Variants in STX8 observed in about 807,000 individuals in gnomAD.
STX8 encodes the protein syntaxin-8.
In STX8, 23 loss-of-function variants were observed where a neutral mutation model predicts 37.5. The observed-to-expected ratio is 0.61, with a 90% confidence interval of 0.44 to 0.87. The LOEUF (loss-of-function observed/expected upper bound fraction) is 0.87, where lower values mean the gene tolerates loss of function less well. STX8 is among the 40% of genes least tolerant of loss of function. The pLI is 0.00. For synonymous variants in STX8, 115 were observed against 99.1 expected (o/e 1.16, Z -0.95); for missense variants, 313 against 284.7 (o/e 1.10, Z -0.71).
Position 9,378,600 on chromosome 17 carries a change from T to TGCGAAGTTTTTCATC in STX8, c.580_594dup (p.Asp194_Arg198dup). On this transcript the variant is annotated inframe_insertion, in exon 7 of 8. Transcript: ENST00000306357. ...ACCATGTTTACCCGCCTGGTTTCAT[T>TGCGAAGTTTTTCATC]GCGAAGTTTTTCATCTGTGTTCTCC... The TGCGAAGTTTTTCATC allele has an allele frequency of 6.2e-7, 1 of 1,613,908 alleles. No individual in the cohort carries two copies. Among genetic ancestry groups the TGCGAAGTTTTTCATC allele is most frequent in the Non-Finnish European group, 8.5e-7 (1 of 1,179,838 alleles).
chr17:9,388,032 C>A lies in STX8; in HGVS notation c.542-9379G>T, dbSNP rs180953145. On this transcript the variant is annotated intron_variant, in intron 6 of 7. Transcript: ENST00000306357. The stretch of plus-strand genomic sequence containing the variant: ...GAAGTTTTTCATTTTGGTTGGTAAA[C>A]CTCTCCTCTTTATTAGTTGTTGTTT... Among the ~76,000 whole-genome samples the A allele has an allele frequency of 4.6e-5, 7 of 151,658 alleles. No individual in the cohort carries two copies. The East Asian group carries it at 9.7e-4, about 21-fold the overall frequency.
intron 1 of STX8, among the ~76,000 whole-genome samples, chr17:9,571,757 A>T (rs1216149147): frequency 1.3e-5 from 2 of 151,976 alleles, no homozygotes; most frequent in African/African-American, 4.8e-5. Flanking sequence ...TCTACTAAAA[A>T]TACAAAAATT....
chr17:9,497,282 A>G (rs939521095), intron 5 of STX8, among the ~76,000 whole-genome samples: 2 of 152,240 alleles, frequency 1.3e-5, no homozygotes, highest in African/African-American at 2.4e-5. Flanking sequence ...AAAACATCAC[A>G]GCACAATCAG....
At chr17:9,569,098 C>A (rs1014962649) in intron 1 of STX8, among the ~76,000 whole-genome samples, 1 of 152,218 alleles carries the variant, frequency 6.6e-6, no homozygotes, top group African/African-American at 2.4e-5. Context: ...CCAAGGCCGT[C>A]TGGCCCCAGA....
At chr17:9,378,750 G>A (rs1911689622) in intron 6 of STX8, 97 bp from the exon 7 acceptor site, 4 of 899,982 alleles carry the variant, frequency 4.4e-6, no homozygotes, top group Non-Finnish European at 3.7e-6. Context: ...TAATGATCTC[G>A]AGTGCAGTAA....
chr17:9,552,050 T>C (rs772230899), intron 3 of STX8, among the ~76,000 whole-genome samples: 4 of 152,150 alleles, frequency 2.6e-5, no homozygotes, highest in Non-Finnish European at 5.9e-5. Flanking sequence ...ATGTAACAGT[T>C]CTGTATAAAT....
At chr17:9,564,102 G>A (rs1597746850) in intron 2 of STX8, among the ~76,000 whole-genome samples, 1 of 152,058 alleles carries the variant, frequency 6.6e-6, no homozygotes, top group Non-Finnish European at 1.5e-5. Flanking sequence ...AAAATAATAA[G>A]AGCCATCTAT....
At chr17:9,257,330 G>C (rs191426301) in intron 7 of STX8, among the ~76,000 whole-genome samples, 1 of 152,140 alleles carries the variant, frequency 6.6e-6, no homozygotes, top group African/African-American at 2.4e-5. Flanking sequence ...CTGAAGACTC[G>C]TCATCTGGAG....
chr17:9,378,457 C>G, intron 7 of STX8, 95 bp downstream of exon 7: 1 of 1,134,750 alleles, frequency 8.8e-7, no homozygotes, highest in East Asian at 2.4e-5. Flanking sequence ...GAAGAGCAAC[C>G]AAATCCCCAC....
chr17:9,481,970 AG>A (rs1324967764), intron 6 of STX8, among the ~76,000 whole-genome samples: 1 of 152,140 alleles, frequency 6.6e-6, no homozygotes, highest in East Asian at 1.9e-4. Context: ...GGTGCCAAAA[AG>A]GTTGGGGACC....
At chr17:9,290,078 C>A (rs539623802) in intron 7 of STX8, among the ~76,000 whole-genome samples, 18 of 152,204 alleles carry the variant, frequency 1.2e-4, no homozygotes, top group African/African-American at 4.3e-4. Context: ...GCAAGCAAAT[C>A]GAGTCATGTC....
chr17:9,252,470 G>C (rs1697229785), intron 7 of STX8, among the ~76,000 whole-genome samples: 1 of 151,446 alleles, frequency 6.6e-6, no homozygotes, highest in African/African-American at 2.4e-5. Context: ...TTAGCCAGGT[G>C]TGGTGGTGGG....
At chr17:9,488,111 G>A (rs1462797043) in intron 6 of STX8, among the ~76,000 whole-genome samples, 3 of 152,078 alleles carry the variant, frequency 2.0e-5, no homozygotes, top group Non-Finnish European at 4.4e-5. Context: ...TAGATCACCT[G>A]AGGTCAGGAG....
At chr17:9,278,730 A>T (rs978757281) in intron 7 of STX8, among the ~76,000 whole-genome samples, 2 of 151,926 alleles carry the variant, frequency 1.3e-5, no homozygotes, top group Non-Finnish European at 2.9e-5. Flanking sequence ...ACAGGTTGAG[A>T]GCCCAAAGAA....
intron 6 of STX8, among the ~76,000 whole-genome samples, chr17:9,395,071 G>A (rs1402315331): frequency 1.4e-4 from 18 of 131,480 alleles, no homozygotes; most frequent in South Asian, 4.6e-4. Context: ...GCAAGACCCC[G>A]TCTCAAAAAA....
chr17:9,371,336 G>C (rs1187241668), intron 7 of STX8, among the ~76,000 whole-genome samples: 1 of 152,198 alleles, frequency 6.6e-6, no homozygotes, highest in Non-Finnish European at 1.5e-5. Context: ...CTTAAACAGT[G>C]ATAGAATTGC....
intron 4 of STX8, among the ~76,000 whole-genome samples, chr17:9,505,999 GTTT>G (rs1016716030): frequency 6.6e-6 from 1 of 151,032 alleles, no homozygotes; most frequent in African/African-American, 2.4e-5. Context: ...CACATGCAGG[GTTT>G]CAATACCAAT....
chr17:9,294,216 T>G (rs1908429308), intron 7 of STX8, among the ~76,000 whole-genome samples: 1 of 152,148 alleles, frequency 6.6e-6, no homozygotes, highest in South Asian at 2.1e-4. Context: ...CAAAGAACTC[T>G]TAGTGAGAGA....
intron 3 of STX8, among the ~76,000 whole-genome samples, chr17:9,546,756 C>T (rs1019085375): frequency 6.6e-6 from 1 of 151,098 alleles, no homozygotes. Context: ...TGCCACCACG[C>T]GCAGCTAATT....
Sources: allele counts gnomAD v4.1 joint callset (sites outside exome capture counted in the v4.1 genomes callset), GRCh38; gene constraint gnomAD v4.1.1; transcripts MANE v1.5; gene names NCBI Gene and HGNC (gene_info 2026-07-23, HGNC 2026-07-21).